The following TBC1D22A variants were observed in gnomAD, a reference collection of about 807,000 sequenced individuals.
TBC1D22A encodes putative GTPase activator.
Under a neutral mutation model 60.2 loss-of-function variants are expected in TBC1D22A, and 38 were observed. The ratio of observed to expected loss-of-function variants is 0.63; its 90% CI spans 0.49 to 0.83. The LOEUF (loss-of-function observed/expected upper bound fraction) is 0.83, where lower values mean the gene tolerates loss of function less well. Among genes scored for constraint, TBC1D22A ranks in the 40% least tolerant of loss-of-function variants. The probability of loss-of-function intolerance (pLI) is 0.00; values close to 1 mark genes in which losing one functional copy is unlikely to be tolerated. For synonymous variants in TBC1D22A, 302 were observed against 281.7 expected (o/e 1.07, Z -0.72); for missense variants, 628 against 701.0 (o/e 0.90, Z 1.18).
At chr22:46,870,739 A>T (rs1727138302) in intron 4 of TBC1D22A, among the ~76,000 whole-genome samples, 1 of 152,204 alleles carries the variant, frequency 6.6e-6, no homozygotes, top group African/African-American at 2.4e-5. Flanking sequence ...ACATGGTCGA[A>T]GGCAAAGGGC....
chr22:46,886,429 G>A (rs2068121016), intron 5 of TBC1D22A, among the ~76,000 whole-genome samples: 1 of 152,138 alleles, frequency 6.6e-6, no homozygotes, highest in Admixed American at 6.5e-5. Context: ...CTCCTCTGGG[G>A]CACCTCCTCC....
At chr22:47,150,957 C>T (rs2067477880) in intron 12 of TBC1D22A, among the ~76,000 whole-genome samples, 1 of 152,196 alleles carries the variant, frequency 6.6e-6, no homozygotes, top group African/African-American at 2.4e-5. Context: ...GCACAGAGGC[C>T]TTGTGCTTCT....
At chr22:46,846,318 ATGTT>A (rs140255346) in intron 4 of TBC1D22A, among the ~76,000 whole-genome samples, 293 of 152,116 alleles carry the variant, frequency 1.9e-3, no homozygotes, top group African/African-American at 6.8e-3. Flanking sequence ...ATTTGTATGT[ATGTT>A]TGTCAGTGGG....
intron 5 of TBC1D22A, among the ~76,000 whole-genome samples, chr22:46,890,820 G>A (rs1201809394): frequency 2.6e-5 from 4 of 152,004 alleles, no homozygotes; most frequent in South Asian, 2.1e-4. Flanking sequence ...ATATGCATGC[G>A]TGTATATGTG....
At chr22:46,770,978 T>G (rs1310414131) in intron 1 of TBC1D22A, among the ~76,000 whole-genome samples, 2 of 152,164 alleles carry the variant, frequency 1.3e-5, no homozygotes, top group African/African-American at 4.8e-5. Context: ...TGGGTGAGAT[T>G]TTGCTGTAGG....
rs568001950 is a variant in TBC1D22A, at chr22:46,990,260, C to T, written c.1126-7374C>T. ...GGTTGGGGTTTAGGTTGCCATTTTC[C>T]TATTTACTTTCATCTTTTCTTATTT... On this transcript the variant is annotated intron_variant, in intron 9 of 12. Transcript: ENST00000337137. The surrounding 1 kb of genome is among the most constrained non-coding windows in gnomAD (Gnocchi z 4.6). Among the ~76,000 whole-genome samples the T allele has an allele frequency of 1.3e-5, 2 of 152,220 alleles. No individual in the cohort carries two copies. Among genetic ancestry groups the T allele is most frequent in the East Asian group, 1.9e-4 (1 of 5,182 alleles).
chr22:46,980,384 T>C (rs1395306870), intron 9 of TBC1D22A, among the ~76,000 whole-genome samples: 1 of 152,342 alleles, frequency 6.6e-6, no homozygotes, highest in Middle Eastern at 3.4e-3. Flanking sequence ...GGTTTCACCA[T>C]GTTGGCCAGG....
At chr22:47,054,081 A>T (rs2063312531) in intron 11 of TBC1D22A, among the ~76,000 whole-genome samples, 2 of 152,184 alleles carry the variant, frequency 1.3e-5, no homozygotes, top group Non-Finnish European at 2.9e-5. Context: ...CGCTGCTCAG[A>T]GTCTCTGGGT....
At chr22:46,920,527 T>C (rs1237930359) in intron 8 of TBC1D22A, among the ~76,000 whole-genome samples, 4 of 152,188 alleles carry the variant, frequency 2.6e-5, no homozygotes, top group Admixed American at 2.0e-4. Context: ...TCATTCCTGA[T>C]GTGTGCTCTG....
chr22:46,838,775 T>C (rs928546264), intron 4 of TBC1D22A, among the ~76,000 whole-genome samples: 1 of 152,194 alleles, frequency 6.6e-6, no homozygotes, highest in Non-Finnish European at 1.5e-5. Flanking sequence ...TCAATAAATA[T>C]GTATCACATT....
chr22:46,880,459 C>G (rs1017950847), intron 5 of TBC1D22A, among the ~76,000 whole-genome samples: 1 of 152,174 alleles, frequency 6.6e-6, no homozygotes, highest in African/African-American at 2.4e-5. Flanking sequence ...CAAGAGAAAG[C>G]CTGAGCATTC....
chr22:46,944,864 G>T (rs546643795), intron 8 of TBC1D22A, among the ~76,000 whole-genome samples: 2 of 152,212 alleles, frequency 1.3e-5, no homozygotes, highest in Non-Finnish European at 2.9e-5. Context: ...CCTTAAAGAT[G>T]AGTGTGAAAA....
intron 12 of TBC1D22A, among the ~76,000 whole-genome samples, chr22:47,170,816 AG>A (rs2147233906): frequency 9.0e-6 from 1 of 111,212 alleles, no homozygotes; most frequent in African/African-American, 3.7e-5. Context: ...AGGACCGGAG[AG>A]AGGGCAGTCC....
chr22:47,016,230 A>G (rs530617128), intron 10 of TBC1D22A, among the ~76,000 whole-genome samples: 2 of 152,212 alleles, frequency 1.3e-5, no homozygotes, highest in East Asian at 1.9e-4. Context: ...TTGGTGGGCA[A>G]AAGTTCCCAG....
rs553695442 is a variant in TBC1D22A at position 47,063,790 on chromosome 22, A to C, written c.1329+26592A>C. Among the ~76,000 whole-genome samples the C allele has an allele frequency of 2.3e-4, 35 of 152,258 alleles. No individual in the cohort carries two copies. The South Asian group carries it at 7.3e-3, about 32-fold the overall frequency. On this transcript the variant is annotated intron_variant, in intron 11 of 12. Transcript: ENST00000337137. ...CCCCATGCTTCCCCTTCCCGCCTCCATGTGTTACCAGTCATCCTCGGCATT... is the reference window on the plus strand; with the variant it reads ...CCCCATGCTTCCCCTTCCCGCCTCCCTGTGTTACCAGTCATCCTCGGCATT...
chr22:47,048,219 G>A (rs1035257333), intron 11 of TBC1D22A, among the ~76,000 whole-genome samples: 5 of 152,116 alleles, frequency 3.3e-5, no homozygotes, highest in Admixed American at 6.5e-5. Flanking sequence ...TTATGTGTGA[G>A]GTGTGGTTTT....
chr22:47,052,664 C>T (rs1229881085), intron 11 of TBC1D22A, among the ~76,000 whole-genome samples: 2 of 152,198 alleles, frequency 1.3e-5, no homozygotes, highest in African/African-American at 4.8e-5. Flanking sequence ...TGAGGGGCAG[C>T]GGCTGGAGGC....
intron 11 of TBC1D22A, among the ~76,000 whole-genome samples, chr22:47,093,895 C>G (rs1048603771): frequency 6.6e-6 from 1 of 152,202 alleles, no homozygotes; most frequent in Non-Finnish European, 1.5e-5. Flanking sequence ...AGCCAATCCC[C>G]AAGACAACAA....
rs541513100 is a variant in TBC1D22A, at chr22:46,872,937, C to T, written c.638-5716C>T. Among the ~76,000 whole-genome samples, 7 of 152,268 alleles carry T rather than the reference C, an allele frequency of 4.6e-5. No individual in the cohort carries two copies. The South Asian group carries it at 1.4e-3, about 32-fold the overall frequency. The stretch of plus-strand genomic sequence containing the variant: ...GTTGGAGAGACAGCACCTGCAGGAA[C>T]CTGGCGAATGAGCCATATGAACCTG... On this transcript the variant is annotated intron_variant, in intron 4 of 12. Transcript: ENST00000337137.
Sources: allele counts gnomAD v4.1 joint callset (sites outside exome capture counted in the v4.1 genomes callset), GRCh38; gene constraint gnomAD v4.1.1; non-coding constraint Gnocchi (gnomAD v3.1); transcripts MANE v1.5; gene names NCBI Gene and HGNC (gene_info 2026-07-23, HGNC 2026-07-21).